The following COL4A4 variants were observed in gnomAD, a reference collection of about 807,000 sequenced individuals.
COL4A4 encodes the protein collagen alpha-4(IV) chain.
Under a neutral mutation model 192.9 loss-of-function variants are expected in COL4A4, and 105 were observed. The ratio of observed to expected loss-of-function variants is 0.54; its 90% CI spans 0.46 to 0.64. The LOEUF is 0.64. Among genes scored for constraint, COL4A4 ranks in the 30% least tolerant of loss-of-function variants. The pLI is 0.00. For missense variants in COL4A4, 1,967 were observed against 2,169.3 expected (o/e 0.91, Z 1.85); for synonymous variants, 762 against 769.9 (o/e 0.99, Z 0.17).
chr2:226,970,840 G>A, the COL4A4 span, among the ~76,000 whole-genome samples: 19 of 152,104 alleles, frequency 1.2e-4, no homozygotes, highest in African/African-American at 3.1e-4. Context: ...TGTGTGCCTC[G>A]GAGAGGAGGG....
Position 227,094,144 on chromosome 2 carries a change from C to G in COL4A4, c.1350G>C (p.Gln450His), listed in dbSNP as rs758856398. 6.2e-7 allele frequency: 1 copy of G among 1,613,762 alleles called. No individual in the cohort carries two copies. Among genetic ancestry groups the G allele is most frequent in the Non-Finnish European group, 8.5e-7 (1 of 1,179,836 alleles). Residue 450 changes from glutamine (Q) to histidine (H), a missense_variant, in exon 20 of 48, where the codon CAG (glutamine) becomes CAC (histidine). Transcript: ENST00000396625. ...SPGLPGAPGL[Q>H]GLPGSSVIYC... ...CTTTACCACTTGATCCTGGGAGGCC[C>G]TGCAGGCCTGGTGCTCCAGGCAAGC...
the COL4A4 span, among the ~76,000 whole-genome samples, chr2:226,968,480 T>C: frequency 6.6e-6 from 1 of 152,188 alleles, no homozygotes; most frequent in Non-Finnish European, 1.5e-5. Flanking sequence ...CTCATCCACA[T>C]TATCTAAAAT....
chr2:227,131,515 T>A (rs35482297), intron 4 of COL4A4, among the ~76,000 whole-genome samples: 1 of 151,932 alleles, frequency 6.6e-6, no homozygotes, highest in Non-Finnish European at 1.5e-5. Flanking sequence ...GTGGTCAAAT[T>A]TCTCTCTAGT....
At chr2:227,000,101 A>AATCT (rs377562609), downstream of COL4A4, among the ~76,000 whole-genome samples, 5 of 152,352 alleles carry the variant, frequency 3.3e-5, no homozygotes, top group African/African-American at 1.2e-4. Flanking sequence ...CAACAATTTA[A>AATCT]ATCTATCTTG....
rs766565996 is a variant in COL4A4 at position 227,094,223 on chromosome 2, A to C, written c.1271T>G (p.Ile424Ser). The change falls in exon 20 of 48, where the codon ATT becomes AGT. Residue 424 changes from isoleucine to serine, a missense_variant. Coordinates refer to ENST00000396625, the MANE Select transcript of COL4A4 (RefSeq NM_000092.5). ...GLPGLPGEAG[I>S]PGRPDSAPGK... ...TGGAGCAGAATCAGGTCTCCCAGGA[A>C]TACCAGCTTCTCCTGGAAGCCCAGG... 5 of 1,613,836 alleles carry C rather than the reference A, an allele frequency of 3.1e-6. No homozygotes were observed. The highest frequency in any genetic ancestry group is 2.5e-6 in the Non-Finnish European group (3 of 1,179,914).
In COL4A4 at chr2:227,104,438, C is replaced by T. The variant is rs553363551; in HGVS notation, c.736-386G>A. ...ACAAAAAAAAAAAAAAAAAATTAGC[C>T]GGGCGTGGTGGCAGGCGCCTGTAGT... On this transcript the variant is annotated intron_variant, in intron 12 of 47. Coordinates refer to ENST00000396625, the MANE Select transcript of COL4A4 (RefSeq NM_000092.5). Among the ~76,000 whole-genome samples, 40 of 123,900 alleles carry T rather than the reference C, an allele frequency of 3.2e-4. 1 individual carries two copies. The South Asian group carries it at 8.1e-3, about 25-fold the overall frequency. 81.3% of individuals were successfully genotyped at this position (123,900 alleles called of 152,430 possible). A position where few individuals can be genotyped will look rare whatever the true frequency, so the allele number is the denominator to read the frequency against.
chr2:227,145,418 GC>G (rs2063487483), intron 2 of COL4A4, among the ~76,000 whole-genome samples: 2 of 152,230 alleles, frequency 1.3e-5, no homozygotes, highest in South Asian at 2.1e-4. Context: ...CTGCGCTCCA[GC>G]CTGGGTAACA....
At chr2:227,111,606 C>T in intron 9 of COL4A4, 72 bp downstream of exon 9, 1 of 1,516,912 alleles carries the variant, frequency 6.6e-7, no homozygotes, top group Non-Finnish European at 9.2e-7. Flanking sequence ...GCTGGCTTTG[C>T]TGGGATTAAA....
At chr2:227,061,964 G>A (rs557828770) in intron 26 of COL4A4, among the ~76,000 whole-genome samples, 19 of 152,332 alleles carry the variant, frequency 1.2e-4, no homozygotes, top group Admixed American at 2.6e-4. Context: ...TTCAGGCTGG[G>A]TGCGGTGGCT....
At chr2:227,017,159 G>A (rs1252058142) in intron 44 of COL4A4, among the ~76,000 whole-genome samples, 1 of 152,214 alleles carries the variant, frequency 6.6e-6, no homozygotes, top group Non-Finnish European at 1.5e-5. Context: ...TGAACAGGCA[G>A]CAGCAGGGAT....
chr2:227,043,292 T>TA (rs1971822345), intron 35 of COL4A4, 108 bp from the exon 36 acceptor site: 3 of 921,482 alleles, frequency 3.3e-6, no homozygotes, highest in Non-Finnish European at 5.3e-6. Context: ...TTTTTAGTTT[T>TA]AAATAGTTTC....
chr2:227,079,016 A>G, intron 24 of COL4A4, among the ~76,000 whole-genome samples: 1 of 152,234 alleles, frequency 6.6e-6, no homozygotes, highest in East Asian at 1.9e-4. Context: ...TGGGGTTCTC[A>G]AAAGCTGTGC....
intron 12 of COL4A4, among the ~76,000 whole-genome samples, chr2:227,107,215 C>T (rs2060898348): frequency 1.3e-5 from 2 of 152,064 alleles, no homozygotes; most frequent in Admixed American, 6.5e-5. Context: ...AACCCCTTCC[C>T]ACAGGGACAT....
intron 46 of COL4A4, among the ~76,000 whole-genome samples, chr2:227,009,955 C>A (rs1963259710): frequency 6.6e-6 from 1 of 152,118 alleles, no homozygotes; most frequent in South Asian, 2.1e-4. Flanking sequence ...CAGGAACTGA[C>A]CACATTCTGG....
chr2:227,149,620 G>A (rs1039761861), intron 1 of COL4A4, among the ~76,000 whole-genome samples: 4 of 150,060 alleles, frequency 2.7e-5, no homozygotes, highest in African/African-American at 4.9e-5. Flanking sequence ...TACTTAAACA[G>A]CATTTGATAT....
intron 26 of COL4A4, 74 bp from the exon 27 acceptor site, chr2:227,060,317 TTAAGTC>T: frequency 1.9e-6 from 2 of 1,061,722 alleles, no homozygotes; most frequent in South Asian, 1.3e-5. Context: ...ATGATTTTCT[TTAAGTC>T]TATGTTAAGT....
At chr2:227,125,564 C>T (rs535827035) in intron 4 of COL4A4, among the ~76,000 whole-genome samples, 1 of 152,140 alleles carries the variant, frequency 6.6e-6, no homozygotes, top group East Asian at 1.9e-4. Flanking sequence ...TGGTTATTTG[C>T]ATTATTGAAG....
At chr2:227,073,562 A>G (rs900817307) in intron 25 of COL4A4, among the ~76,000 whole-genome samples, 25 of 152,260 alleles carry the variant, frequency 1.6e-4, no homozygotes, top group African/African-American at 5.8e-4. Flanking sequence ...TTTGTATTGA[A>G]CCAAAAAAGA....
chr2:227,069,924 G>C (rs1304719109), intron 25 of COL4A4, among the ~76,000 whole-genome samples: 1 of 151,610 alleles, frequency 6.6e-6, no homozygotes, highest in Non-Finnish European at 1.5e-5. Flanking sequence ...CCATCAGAGT[G>C]AACAGGCAAC....
Sources: allele counts gnomAD v4.1 joint callset (sites outside exome capture counted in the v4.1 genomes callset), GRCh38; gene constraint gnomAD v4.1.1; transcripts MANE v1.5; gene names NCBI Gene and HGNC (gene_info 2026-07-23, HGNC 2026-07-21).